The following ZNF451 variants were observed in gnomAD, a reference collection of about 807,000 sequenced individuals.
ZNF451 encodes zinc finger protein 451, also known as E3 SUMO-protein ligase ZNF451.
Under a neutral mutation model 107.1 loss-of-function variants are expected in ZNF451, and 80 were observed. The observed-to-expected ratio is 0.75, with a 90% CI of 0.62 to 0.90. The LOEUF (loss-of-function observed/expected upper bound fraction) is 0.90. Among genes scored for constraint, ZNF451 ranks in the 40% least tolerant of loss-of-function variants. The pLI is 0.00. For synonymous variants in ZNF451, 362 were observed against 406.5 expected (o/e 0.89, Z 1.32); for missense variants, 1,107 against 1,236.2 (o/e 0.90, Z 1.57).
At chr6:57,157,173 ATTC>A (rs1236618251) in intron 13 of ZNF451, among the ~76,000 whole-genome samples, 1 of 152,184 alleles carries the variant, frequency 6.6e-6, no homozygotes, top group African/African-American at 2.4e-5. Context: ...TGAGTCTCTT[ATTC>A]TTTATAAGTT....
chr6:57,103,007 TAAAC>T (rs1339602658), intron 3 of ZNF451: 17 of 985,324 alleles, frequency 1.7e-5, no homozygotes, highest in Non-Finnish European at 2.0e-5. Context: ...ATGGCCTTCT[TAAAC>T]AACCTACCTT....
intron 3 of ZNF451, chr6:57,103,510 G>GA: frequency 1.0e-6 from 1 of 985,312 alleles, no homozygotes; most frequent in Non-Finnish European, 1.2e-6. Flanking sequence ...CTTCTCTTTA[G>GA]ACTCAAGGTA....
chr6:57,102,296 G>A, intron 3 of ZNF451: 1 of 1,276,974 alleles, frequency 7.8e-7, no homozygotes, highest in Non-Finnish European at 9.8e-7. Context: ...TTGGCCAAGT[G>A]AGCAGTGGAG....
At chr6:57,108,893 G>T (rs1473207099) in intron 3 of ZNF451, 1 of 985,292 alleles carries the variant, frequency 1.0e-6, no homozygotes, top group African/African-American at 1.7e-5. Context: ...TGCTCAGGTG[G>T]TGGAACTGAG....
At chr6:57,120,842 T>G (rs1267803040) in intron 3 of ZNF451, among the ~76,000 whole-genome samples, 1 of 152,234 alleles carries the variant, frequency 6.6e-6, no homozygotes, top group African/African-American at 2.4e-5. Flanking sequence ...TGGCTTGTGT[T>G]CTTATTTGTT....
Position 57,147,980 on chromosome 6 carries a change from A to G in ZNF451, c.1895A>G (p.Lys632Arg), listed in dbSNP as rs1180728124. ...CACTGCATGTCTTTGGCAAGCCACA[A>G]GTTTCATAGATACAGCTGTGCTCAC... ...KQHCMSLASHKFHRYSCAHCR... is the reference protein window; with the variant it reads ...KQHCMSLASHRFHRYSCAHCR... The change falls in exon 10 of 15, where the codon AAG becomes AGG. Residue 632 changes from lysine to arginine, a missense_variant. Physicochemically the swap from Lys to Arg is conservative, Grantham distance 26 (BLOSUM62 2). This residue lies in a region of ZNF451 where 608 missense variants were observed against 649.2 expected (regional missense o/e 0.94). Transcript: ENST00000370706. 2 of 1,614,136 alleles carry G rather than the reference A, an allele frequency of 1.2e-6. No individual in the cohort carries two copies. Among genetic ancestry groups the G allele is most frequent in the Non-Finnish European group, 1.7e-6 (2 of 1,179,976 alleles).
At chr6:57,127,696 G>T (rs1290875075) in intron 4 of ZNF451, among the ~76,000 whole-genome samples, 2 of 152,104 alleles carry the variant, frequency 1.3e-5, no homozygotes, top group African/African-American at 4.8e-5. Flanking sequence ...TTTGACCTCT[G>T]TGTACCTCAG....
intron 3 of ZNF451, among the ~76,000 whole-genome samples, chr6:57,120,971 T>A (rs1830610568): frequency 6.6e-6 from 1 of 152,206 alleles, no homozygotes; most frequent in Non-Finnish European, 1.5e-5. Flanking sequence ...ACAAGGTCAT[T>A]TAGATTTTCT....
Position 57,168,506 on chromosome 6 carries a change from A to C in ZNF451, c.*37A>C, listed in dbSNP as rs750764094. On this transcript the variant is annotated 3_prime_UTR_variant, in exon 15 of 15. Transcript: ENST00000370706. ...ACCACACAACATCAAGTGGCCTTGA[A>C]GAGACTGAGATAACGAATTCTTGAG... The C allele has an allele frequency of 2.6e-6, 4 of 1,521,250 alleles. No individual in the cohort carries two copies. The Admixed American group carries it at 7.1e-5, about 27-fold the overall frequency. The allele number at this position is 1,521,250 out of a possible 1,614,324, so 94.2% of individuals were successfully genotyped here.
chr6:57,105,346 C>A, intron 3 of ZNF451: 2 of 983,654 alleles, frequency 2.0e-6, no homozygotes, highest in Non-Finnish European at 2.4e-6. Flanking sequence ...CTTGTAGTTA[C>A]TGTGTATAGA....
intron 3 of ZNF451, chr6:57,107,635 G>T (rs1829926534): frequency 5.1e-6 from 5 of 985,200 alleles, no homozygotes; most frequent in Non-Finnish European, 6.0e-6. Context: ...GTTTTCCGTA[G>T]ATGTTAAGGG....
chr6:57,153,245 G>C (rs951801855), intron 12 of ZNF451, among the ~76,000 whole-genome samples: 3 of 152,016 alleles, frequency 2.0e-5, no homozygotes, highest in Non-Finnish European at 2.9e-5. Flanking sequence ...CTTATATTGA[G>C]CGTATAGCCC....
intron 3 of ZNF451, chr6:57,109,621 C>T: frequency 1.0e-6 from 1 of 985,352 alleles, no homozygotes; most frequent in Non-Finnish European, 1.2e-6. Context: ...ATGTTCATTT[C>T]ATGCCATGTG....
At chr6:57,090,667 TC>T (rs1829021565) in intron 1 of ZNF451, 143 bp from the exon 2 acceptor site, 3 of 99,406 alleles carry the variant, frequency 3.0e-5, no homozygotes, top group East Asian at 1.5e-4. Context: ...GAGCTCGAGT[TC>T]CGTTCCTAGT....
intron 3 of ZNF451, chr6:57,104,798 A>T (rs970500555): frequency 1.0e-6 from 1 of 985,136 alleles, no homozygotes; most frequent in African/African-American, 1.7e-5. Flanking sequence ...TTTCTTAGTT[A>T]CTCTAACTGA....
intron 9 of ZNF451, among the ~76,000 whole-genome samples, chr6:57,145,668 A>G (rs1832029118): frequency 6.6e-6 from 1 of 152,288 alleles, no homozygotes; most frequent in African/African-American, 2.4e-5. Flanking sequence ...TCCATGGTAT[A>G]TATACCATAT....
intron 2 of ZNF451, among the ~76,000 whole-genome samples, chr6:57,096,176 GTTTT>G (rs749589304): frequency 8.6e-5 from 5 of 58,450 alleles, no homozygotes; most frequent in Admixed American, 2.4e-4. Flanking sequence ...CTTTCTTTCT[GTTTT>G]TTTTTTTTTT....
chr6:57,152,308 G>A lies in ZNF451; in HGVS notation c.2840G>A (p.Cys947Tyr), dbSNP rs756025028. ...GGATGCTTCTTCCTTCATCCTCGCT[G>A]TAGTAAAAGAAAAGATGCTGCTGAT... ...RIGCFFLHPR[C>Y]SKRKDAADFA... Residue 947 changes from cysteine to tyrosine, a missense_variant, in exon 12 of 15, where the codon TGT (cysteine) becomes TAT (tyrosine). Physicochemically the swap from Cys to Tyr is radical, Grantham distance 194. Transcript: ENST00000370706. 6.2e-7 allele frequency: 1 copy of A among 1,614,070 alleles called. No homozygotes were observed. The highest frequency in any genetic ancestry group is 8.5e-7 in the Non-Finnish European group (1 of 1,179,990).
At chr6:57,120,615 CGTT>C (rs1412363801) in intron 3 of ZNF451, among the ~76,000 whole-genome samples, 2 of 152,134 alleles carry the variant, frequency 1.3e-5, no homozygotes, top group African/African-American at 4.8e-5. Context: ...ATTGGTATCT[CGTT>C]GTTTTAACAT....
Sources: gnomAD v4.1 joint callset for allele counts (sites outside exome capture counted in the v4.1 genomes callset) on GRCh38, gnomAD v4.1.1 for gene constraint, gnomAD v4.1.1 regional missense constraint, MANE v1.5 for transcripts, NCBI Gene and HGNC (gene_info 2026-07-23, HGNC 2026-07-21) for gene names.